Variants in SDR42E1 observed in about 807,000 individuals in gnomAD.
SDR42E1 encodes short chain dehydrogenase/reductase family 42E, member 1, also known as short-chain dehydrogenase/reductase family 42E member 1.
SDR42E1 carries 5 observed loss-of-function variants against 2.6 expected under a neutral mutation model. The ratio of observed to expected loss-of-function variants is 1.94; its 90% CI spans 1.01 to 4.08. The LOEUF is 4.08. Ranked by LOEUF, SDR42E1 falls within the 30% of genes most tolerant of loss-of-function variation. SDR42E1 has a pLI of 0.00. For missense variants in SDR42E1, 596 were observed against 478.6 expected, an observed-to-expected ratio of 1.25 and a Z score of -2.29; for synonymous variants, 231 against 188.3, an observed-to-expected ratio of 1.23 and a Z score of -1.86.
rs1015596026 is a variant in SDR42E1, at chr16:81,993,520, C to T, written c.*5591G>A. 6.6e-5 allele frequency: 10 copies of T among 152,258 alleles called. No individual in the cohort carries two copies. The highest frequency in any genetic ancestry group is 3.9e-4 in the East Asian group (2 of 5,184). The allele number at this position is 152,258 out of a possible 1,614,324, so 9.4% of individuals were successfully genotyped here. On this transcript the variant is annotated 3_prime_UTR_variant, in exon 3 of 3. Coordinates refer to ENST00000328945, the MANE Select transcript of SDR42E1 (RefSeq NM_145168.3). ...CCGATTCCAGAGCTTCCTACTCTGC[C>T]GTTTTACATGATGTCACCCTTCTGG...
In SDR42E1 at chr16:81,993,286, T is replaced by A. The variant is rs1021472709; in HGVS notation, c.*5825A>T. On this transcript the variant is annotated 3_prime_UTR_variant, in exon 3 of 3. Coordinates refer to ENST00000328945, the MANE Select transcript of SDR42E1 (RefSeq NM_145168.3). ...ATCTTGCAAGGGAGCCAGTGTTTAG[T>A]ATCTGGCACCAGTGCTCACCTCCTT... 2.0e-5 allele frequency: 3 copies of A among 152,224 alleles called. No individual in the cohort carries two copies. The highest frequency in any genetic ancestry group is 7.2e-5 in the African/African-American group (3 of 41,472). 9.4% of individuals were successfully genotyped at this position (152,224 alleles called of 1,614,324 possible). A position where few individuals can be genotyped will look rare whatever the true frequency, so the allele number is the denominator to read the frequency against.
chr16:82,009,331 G>A (rs1019233603), intron 1 of SDR42E1, among the ~76,000 whole-genome samples: 3 of 152,186 alleles, frequency 2.0e-5, no homozygotes, highest in South Asian at 2.1e-4. Flanking sequence ...AGCTTGCACC[G>A]TACACCTAGA....
At position 81,998,032 on chromosome 16, in the gene SDR42E1, T is replaced by G. The variant is rs1296973676; in HGVS notation, c.*1079A>C. ...GCCATGGACAGACATGGACTCTGTC[T>G]TCTTTCCACTTGGGTTCCTATGCAA... is the stretch of plus-strand genomic sequence containing the variant. On this transcript the variant is annotated 3_prime_UTR_variant, in exon 3 of 3. Transcript: ENST00000328945. 1 of 152,252 alleles carries G rather than the reference T, an allele frequency of 6.6e-6. No individual in the cohort carries two copies. The highest frequency in any genetic ancestry group is 2.4e-5 in the African/African-American group (1 of 41,474). 9.4% of individuals were successfully genotyped at this position (152,252 alleles called of 1,614,324 possible). A position where few individuals can be genotyped will look rare whatever the true frequency, so the allele number is the denominator to read the frequency against.
rs1305497866 is a variant in SDR42E1 at position 81,991,444 on chromosome 16, C to G, written c.*7667G>C. On this transcript the variant is annotated 3_prime_UTR_variant, in exon 3 of 3. Coordinates refer to ENST00000328945, the MANE Select transcript of SDR42E1 (RefSeq NM_145168.3). ...ACAAGGTAAGAGTTTGGGCCAGGCT[C>G]GGTGGCTCATACCTGTAATCCCAGC... The G allele has an allele frequency of 1.3e-5, 2 of 152,096 alleles. No homozygotes were observed. Among genetic ancestry groups the G allele is most frequent in the African/African-American group, 4.8e-5 (2 of 41,396 alleles). The allele number at this position is 152,096 out of a possible 1,614,324, so 9.4% of individuals were successfully genotyped here. A position where few individuals can be genotyped will look rare whatever the true frequency, so the allele number is the denominator to read the frequency against.
chr16:82,011,108 G>A (rs1913110618), intron 1 of SDR42E1, among the ~76,000 whole-genome samples: 1 of 152,224 alleles, frequency 6.6e-6, no homozygotes, highest in South Asian at 2.1e-4. Context: ...CCAGCCACCT[G>A]TGGAAAGTTC....
intron 1 of SDR42E1, among the ~76,000 whole-genome samples, chr16:82,010,900 C>T (rs573912067): frequency 6.6e-6 from 1 of 152,224 alleles, no homozygotes; most frequent in Non-Finnish European, 1.5e-5. Context: ...CAATTTCTGT[C>T]ACATCTGATT....
Sources: gnomAD v4.1 joint callset for allele counts (sites outside exome capture counted in the v4.1 genomes callset) on GRCh38, gnomAD v4.1.1 for gene constraint, MANE v1.5 for transcripts, NCBI Gene and HGNC (gene_info 2026-07-23, HGNC 2026-07-21) for gene names.